Variants in TEF observed in about 807,000 individuals in gnomAD.
TEF encodes the protein TEF transcription factor, PAR bZIP family member, also known as thyrotroph embryonic factor.
In TEF, 3 loss-of-function variants were observed where a neutral mutation model predicts 20.8. The observed-to-expected ratio is 0.14, with a 90% CI of 0.07 to 0.37. The LOEUF is 0.37. Among genes scored for constraint, TEF ranks in the 10% least tolerant of loss-of-function variants. TEF has a pLI of 1.00. For synonymous variants in TEF, 180 were observed against 171.1 expected, an observed-to-expected ratio of 1.05 and a Z score of -0.41; for missense variants, 296 against 397.9, an observed-to-expected ratio of 0.74 and a Z score of 2.18.
chr22:41,369,844 C>A (rs1290040886), intron 1 of TEF: 3 of 972,456 alleles, frequency 3.1e-6, no homozygotes, highest in Non-Finnish European at 3.7e-6. Flanking sequence ...TCCGCGTGCC[C>A]TTGCTTTGGT....
At chr22:41,372,088 G>C (rs1384555571) in intron 1 of TEF, among the ~76,000 whole-genome samples, 1 of 152,114 alleles carries the variant, frequency 6.6e-6, no homozygotes, top group East Asian at 1.9e-4. Flanking sequence ...ATGGGGAGAG[G>C]GCCTTCTATG....
upstream of TEF, among the ~76,000 whole-genome samples, chr22:41,380,094 C>A (rs2036996940): frequency 6.6e-6 from 1 of 152,208 alleles, no homozygotes; most frequent in South Asian, 2.1e-4. Context: ...CTCTTGCTTT[C>A]CAGGCCTGGT....
At chr22:41,379,950 G>C (rs897126761), upstream of TEF, among the ~76,000 whole-genome samples, 2 of 150,860 alleles carry the variant, frequency 1.3e-5, no homozygotes, top group Non-Finnish European at 3.0e-5. Context: ...AAGAAAAGGA[G>C]GCCTGAAAAG....
At chr22:41,374,085 A>G (rs1422064875) in intron 1 of TEF, among the ~76,000 whole-genome samples, 1 of 152,060 alleles carries the variant, frequency 6.6e-6, no homozygotes, top group Non-Finnish European at 1.5e-5. Context: ...CTTACAACAA[A>G]GTAAGCTACA....
chr22:41,387,084 C>T (rs754550718), intron 1 of TEF, among the ~76,000 whole-genome samples: 4 of 152,026 alleles, frequency 2.6e-5, no homozygotes, highest in Admixed American at 6.6e-5. Flanking sequence ...ATGAATTAAC[C>T]CTATGACCGC....
At chr22:41,381,765 C>G (rs1490515988), upstream of TEF, among the ~76,000 whole-genome samples, 1 of 152,004 alleles carries the variant, frequency 6.6e-6, no homozygotes, top group Admixed American at 6.5e-5. Context: ...TCTATCTTAT[C>G]CCGGCTGCCC....
Position 41,381,969 on chromosome 22 carries a change from A to G in TEF, c.-76A>G, listed in dbSNP as rs1164392339. 2.4e-5 allele frequency: 30 copies of G among 1,226,010 alleles called. No individual in the cohort carries two copies. Among genetic ancestry groups the G allele is most frequent in the East Asian group, 3.2e-5 (1 of 31,364 alleles). The allele number at this position is 1,226,010 out of a possible 1,614,324, so 75.9% of individuals were successfully genotyped here. On this transcript the variant is annotated 5_prime_UTR_variant, in exon 1 of 4. Transcript: ENST00000266304. Reference sequence around the variant, plus strand: ...AGTAGCTGCCCGTGTCGGCAGCTGCAGCGGGTCGCACGGCTCCGGCCCATC... The same window carrying G: ...AGTAGCTGCCCGTGTCGGCAGCTGCGGCGGGTCGCACGGCTCCGGCCCATC...
intron 1 of TEF, among the ~76,000 whole-genome samples, chr22:41,370,800 C>G (rs2036875387): frequency 6.6e-6 from 1 of 152,302 alleles, no homozygotes; most frequent in East Asian, 1.9e-4. Flanking sequence ...CCCAGCCCAG[C>G]CCGTGTAGAC....
chr22:41,376,739 G>T (rs1016394086), intron 1 of TEF, among the ~76,000 whole-genome samples: 3 of 152,120 alleles, frequency 2.0e-5, no homozygotes, highest in African/African-American at 7.2e-5. Context: ...AAGGGGAAGG[G>T]TGGGTACCCA....
At chr22:41,371,160 A>G (rs1278357812) in intron 1 of TEF, among the ~76,000 whole-genome samples, 1 of 152,252 alleles carries the variant, frequency 6.6e-6, no homozygotes. Flanking sequence ...CTGGAAAGAC[A>G]CTGTGTCTCT....
upstream of TEF, among the ~76,000 whole-genome samples, chr22:41,377,531 A>G (rs922764561): frequency 6.6e-6 from 1 of 152,166 alleles, no homozygotes; most frequent in Non-Finnish European, 1.5e-5. Context: ...TTCCTCCACT[A>G]AGACGGGGCA....
chr22:41,375,574 C>T (rs964534039), intron 1 of TEF, among the ~76,000 whole-genome samples: 3 of 152,032 alleles, frequency 2.0e-5, no homozygotes, highest in African/African-American at 7.2e-5. Context: ...CACAGTGAAA[C>T]CCCGTCTCTA....
chr22:41,395,952 C>T lies in TEF; in HGVS notation c.904C>T (p.Pro302Ser). 6.2e-7 allele frequency: 1 copy of T among 1,609,252 alleles called. No homozygotes were observed. The highest frequency in any genetic ancestry group is 8.5e-7 in the Non-Finnish European group (1 of 1,175,886). Residue 302 changes from proline (P) to serine (S), a missense_variant, in exon 4 of 4, where the codon CCC becomes TCC. Pro to Ser is a moderately conservative substitution (Grantham distance 74). Coordinates refer to ENST00000266304, the MANE Select transcript of TEF (RefSeq NM_003216.4). Reference sequence around the variant, plus strand: ...GTCCAAGTATGAGACCAAATACGGGCCCTTGTAACCCGTGCCCCCCGCCCG... The same window carrying T: ...GTCCAAGTATGAGACCAAATACGGGTCCTTGTAACCCGTGCCCCCCGCCCG... ...IVSKYETKYG[P>S]L is the part of the protein sequence containing the mutation.
At chr22:41,388,650 T>C (rs894824702) in intron 2 of TEF, among the ~76,000 whole-genome samples, 1 of 152,104 alleles carries the variant, frequency 6.6e-6, no homozygotes, top group Non-Finnish European at 1.5e-5. Context: ...TCTGTCCTTA[T>C]TCCTCCTCCT....
chr22:41,376,759 C>T (rs922211101), intron 1 of TEF, among the ~76,000 whole-genome samples: 3 of 152,246 alleles, frequency 2.0e-5, no homozygotes, highest in African/African-American at 7.2e-5. Flanking sequence ...ACCCACTCCA[C>T]ACTGCACACC....
chr22:41,368,959 T>C, intron 1 of TEF: 1 of 650,746 alleles, frequency 1.5e-6, no homozygotes, highest in Non-Finnish European at 1.9e-6. Flanking sequence ...CATCTCTGAG[T>C]GGCCTGTGTG....
intron 1 of TEF, chr22:41,368,987 A>G (rs770196230): frequency 9.1e-5 from 81 of 889,648 alleles, no homozygotes; most frequent in Non-Finnish European, 1.1e-4. Flanking sequence ...AGAGCTGAAC[A>G]CATTTCCAAA....
intron 1 of TEF, among the ~76,000 whole-genome samples, chr22:41,369,536 G>A (rs2036856084): frequency 6.6e-6 from 1 of 152,218 alleles, no homozygotes; most frequent in South Asian, 2.1e-4. Context: ...AAGAGCCACA[G>A]GACTCACAAT....
chr22:41,389,479 G>A (rs999514898), intron 2 of TEF, among the ~76,000 whole-genome samples: 1 of 150,836 alleles, frequency 6.6e-6, no homozygotes. Flanking sequence ...AATTAGCTGG[G>A]CATGGTGGTG....
Sources: gnomAD v4.1 joint callset for allele counts (sites outside exome capture counted in the v4.1 genomes callset) on GRCh38, gnomAD v4.1.1 for gene constraint, MANE v1.5 for transcripts, NCBI Gene and HGNC (gene_info 2026-07-23, HGNC 2026-07-21) for gene names.